The following KLB variants were observed in gnomAD, a reference collection of about 807,000 sequenced individuals.
KLB encodes the protein klotho beta.
In KLB, 44 loss-of-function variants were observed where a neutral mutation model predicts 88.4. The ratio of observed to expected loss-of-function variants is 0.50; its 90% CI spans 0.39 to 0.64. The LOEUF is 0.64. Among genes scored for constraint, KLB ranks in the 30% least tolerant of loss-of-function variants. The pLI, the probability that KLB is intolerant of heterozygous loss-of-function variation, is 0.00. For synonymous variants in KLB, 548 were observed against 513.4 expected, an observed-to-expected ratio of 1.07 and a Z score of -0.91; for missense variants, 1,137 against 1,304.8, an observed-to-expected ratio of 0.87 and a Z score of 1.98.
At chr4:39,444,088 C>T (rs1362508705) in intron 3 of KLB, among the ~76,000 whole-genome samples, 7 of 151,960 alleles carry the variant, frequency 4.6e-5, no homozygotes, top group African/African-American at 1.7e-4. Flanking sequence ...ACCCGGGGGG[C>T]GGAGGTTTCA....
At chr4:39,409,644 T>G (rs570058478) in intron 1 of KLB, among the ~76,000 whole-genome samples, 4 of 151,226 alleles carry the variant, frequency 2.6e-5, no homozygotes, top group African/African-American at 9.7e-5. Context: ...AATATCAGAT[T>G]GGGCCGGGCA....
At chr4:39,422,418 G>A (rs1404316068) in intron 1 of KLB, among the ~76,000 whole-genome samples, 1 of 152,080 alleles carries the variant, frequency 6.6e-6, no homozygotes, top group Non-Finnish European at 1.5e-5. Context: ...GATATAGCCT[G>A]GGCCTGATTC....
intron 1 of KLB, among the ~76,000 whole-genome samples, chr4:39,420,807 T>C (rs1313836932): frequency 6.6e-6 from 1 of 152,178 alleles, no homozygotes; most frequent in Admixed American, 6.6e-5. Context: ...TGAACCACCA[T>C]GCCCAACCCA....
chr4:39,451,526 T>A lies in KLB; in HGVS notation c.*2840T>A, dbSNP rs1180666044. 6.6e-6 allele frequency: 1 copy of A among 152,250 alleles called. No homozygotes were observed. Among genetic ancestry groups the A allele is most frequent in the African/African-American group, 2.4e-5 (1 of 41,480 alleles). The allele number at this position is 152,250 out of a possible 1,614,324, so 9.4% of individuals were successfully genotyped here. A position where few individuals can be genotyped will look rare whatever the true frequency, so the allele number is the denominator to read the frequency against. On this transcript the variant is annotated 3_prime_UTR_variant, in exon 5 of 5. Transcript: ENST00000257408. ...ACTGGTTCATGCTGACCACTTGTAT[T>A]CAACTAACAACCTGGTCAATTTTAA...
rs776266026 is a variant in KLB at position 39,446,380 on chromosome 4, G to A, written c.1654G>A (p.Val552Met). The A allele has an allele frequency of 1.2e-6, 2 of 1,614,180 alleles. No individual in the cohort carries two copies. Among genetic ancestry groups the A allele is most frequent in the Non-Finnish European group, 1.7e-6 (2 of 1,180,038 alleles). Residue 552 changes from valine (V) to methionine (M), a missense_variant, in exon 4 of 5, where the codon GTG becomes ATG. Physicochemically the swap from Val to Met is conservative, Grantham distance 21. This residue lies in a region of KLB where 597 missense variants were observed against 765.2 expected (regional missense o/e 0.78). Coordinates refer to ENST00000257408, the MANE Select transcript of KLB (RefSeq NM_175737.4). The surrounding 1 kb of genome is among the most constrained non-coding windows in gnomAD (Gnocchi z 6.4). ...SPQFSDPHLY[V>M]WNATGNRLLH... is the part of the protein sequence containing the mutation. ...ACAGTTCAGCGATCCTCATCTGTACGTGTGGAACGCCACTGGCAACAGACT... is the reference window on the plus strand; with the variant it reads ...ACAGTTCAGCGATCCTCATCTGTACATGTGGAACGCCACTGGCAACAGACT...
intron 2 of KLB, 80 bp downstream of exon 2, chr4:39,434,800 A>T: frequency 9.2e-7 from 1 of 1,087,660 alleles, no homozygotes; most frequent in Non-Finnish European, 1.3e-6. Context: ...ATATGTAACT[A>T]TTATTGTTGG....
chr4:39,416,108 GACAC>G lies in KLB; in HGVS notation c.825+8362_825+8365del, dbSNP rs34831449. Among the ~76,000 whole-genome samples, 346 of 143,042 alleles carry G rather than the reference GACAC, an allele frequency of 2.4e-3. 2 individuals are homozygous for G. Among genetic ancestry groups the G allele is most frequent in the African/African-American group, 7.3e-3 (288 of 39,222 alleles). 93.8% of individuals were successfully genotyped at this position (143,042 alleles called of 152,430 possible). On this transcript the variant is annotated intron_variant, in intron 1 of 4. Transcript: ENST00000257408. ...AACAACAAAAAAAAAGTAGATTGCA[GACAC>G]ACACACACACACACACACACACACA...
At chr4:39,431,048 C>G (rs893051120) in intron 1 of KLB, among the ~76,000 whole-genome samples, 2 of 151,158 alleles carry the variant, frequency 1.3e-5, no homozygotes, top group African/African-American at 4.9e-5. Flanking sequence ...TCCTGAGTAG[C>G]TGGGACTACA....
At chr4:39,413,782 T>G (rs1254010646) in intron 1 of KLB, among the ~76,000 whole-genome samples, 1 of 152,130 alleles carries the variant, frequency 6.6e-6, no homozygotes, top group African/African-American at 2.4e-5. Context: ...CTGCCAGCTT[T>G]CATGACAGTT....
At position 39,449,949 on chromosome 4, in the gene KLB, AAAAAT is replaced by A. The variant is rs1743855107; in HGVS notation, c.*1268_*1272del. On this transcript the variant is annotated 3_prime_UTR_variant, in exon 5 of 5. Coordinates refer to ENST00000257408, the MANE Select transcript of KLB (RefSeq NM_175737.4). ...CAAAATAAAAAAAAATAATAAAAAT[AAAAAT>A]AAAAGTAATTTCCAAAACCTCATCT... is the stretch of plus-strand genomic sequence containing the variant. The A allele has an allele frequency of 6.6e-6, 1 of 151,812 alleles. No individual in the cohort carries two copies. Among genetic ancestry groups the A allele is most frequent in the Non-Finnish European group, 1.5e-5 (1 of 68,030 alleles). 9.4% of individuals were successfully genotyped at this position (151,812 alleles called of 1,614,324 possible).
intron 1 of KLB, among the ~76,000 whole-genome samples, chr4:39,419,199 T>C (rs959941082): frequency 5.3e-5 from 8 of 152,114 alleles, no homozygotes; most frequent in African/African-American, 1.9e-4. Flanking sequence ...GTAGAAAAAG[T>C]TATACTTCAG....
Position 39,406,993 on chromosome 4 carries a change from T to C in KLB, c.44T>C (p.Ile15Thr), listed in dbSNP as rs1355919467. 3.1e-6 allele frequency: 5 copies of C among 1,613,114 alleles called. No homozygotes were observed. The highest frequency in any genetic ancestry group is 4.2e-6 in the Non-Finnish European group (5 of 1,179,232). Residue 15 changes from isoleucine to threonine, a missense_variant, in exon 1 of 5, where the codon ATT (isoleucine) becomes ACT (threonine). Coordinates refer to ENST00000257408, the MANE Select transcript of KLB (RefSeq NM_175737.4). ...CAAGSPGNEWIFFSTDEITTR... is the reference protein window; with the variant it reads ...CAAGSPGNEWTFFSTDEITTR... ...GCAGGATCTCCAGGGAATGAATGGA[T>C]TTTCTTCAGCACTGATGAAATAACC...
chr4:39,437,029 T>C (rs1196023360), intron 2 of KLB, among the ~76,000 whole-genome samples: 1 of 152,166 alleles, frequency 6.6e-6, no homozygotes, highest in Non-Finnish European at 1.5e-5. Flanking sequence ...TCATATTTCA[T>C]TTTTACACAA....
intron 1 of KLB, among the ~76,000 whole-genome samples, chr4:39,408,754 A>AT (rs35704019): frequency 0.35 from 53,825 of 151,874 alleles, 11,785 homozygotes; most frequent in South Asian, 0.59. Context: ...TTTGCAAGAG[A>AT]TTTAGCCTCA....
intron 3 of KLB, among the ~76,000 whole-genome samples, chr4:39,439,527 G>A (rs1251771569): frequency 2.6e-5 from 4 of 151,924 alleles, no homozygotes; most frequent in South Asian, 2.1e-4. Flanking sequence ...GTGCAGCGGT[G>A]CGATTTTGGC....
chr4:39,420,232 C>G (rs549906074), intron 1 of KLB, among the ~76,000 whole-genome samples: 1 of 152,036 alleles, frequency 6.6e-6, no homozygotes, highest in African/African-American at 2.4e-5. Context: ...AATGTCATAT[C>G]TTGACCAGAG....
Position 39,407,592 on chromosome 4 carries a change from A to C in KLB, c.643A>C (p.Ile215Leu). 6.2e-7 allele frequency: 1 copy of C among 1,614,188 alleles called. No homozygotes were observed. Among genetic ancestry groups the C allele is most frequent in the Non-Finnish European group, 8.5e-7 (1 of 1,180,004 alleles). ...TGGGGGGTGGAAAAATGATACCATA[A>C]TAGATATCTTCAATGACTATGCCAC... ...KYGGWKNDTIIDIFNDYATYC... is the reference protein window; with the variant it reads ...KYGGWKNDTILDIFNDYATYC... Residue 215 changes from isoleucine (I) to leucine (L), a missense_variant, in exon 1 of 5, where the codon ATA becomes CTA. By Grantham distance (5) the Ile-to-Leu change is conservative (BLOSUM62 2). This residue lies in a region of KLB where 597 missense variants were observed against 765.2 expected (regional missense o/e 0.78). Transcript: ENST00000257408.
intron 1 of KLB, among the ~76,000 whole-genome samples, chr4:39,429,275 T>C (rs1250474062): frequency 6.6e-6 from 1 of 152,222 alleles, no homozygotes; most frequent in African/African-American, 2.4e-5. Flanking sequence ...TGGTGTGATG[T>C]GTTTGGCTTG....
chr4:39,408,996 T>C (rs888627274), intron 1 of KLB, among the ~76,000 whole-genome samples: 1 of 150,506 alleles, frequency 6.6e-6, no homozygotes, highest in Non-Finnish European at 1.5e-5. Context: ...AATTTGTACA[T>C]ACAAAAATAT....
Sources: gnomAD v4.1 joint callset for allele counts (sites outside exome capture counted in the v4.1 genomes callset) on GRCh38, gnomAD v4.1.1 for gene constraint, gnomAD v4.1.1 regional missense constraint, Gnocchi (gnomAD v3.1) non-coding constraint, MANE v1.5 for transcripts, NCBI Gene and HGNC (gene_info 2026-07-23, HGNC 2026-07-21) for gene names.